SESTD1: variants seen among roughly 807,000 people sequenced by gnomAD.
The protein encoded by SESTD1 is SEC14 and spectrin domain containing 1.
SESTD1 carries 43 observed loss-of-function variants against 101.7 expected under a neutral mutation model. That is an observed-to-expected ratio of 0.42 (90% CI 0.33 to 0.55). SESTD1 has a LOEUF of 0.55. Among genes scored for constraint, SESTD1 ranks in the 20% least tolerant of loss-of-function variants. The probability of loss-of-function intolerance (pLI) is 0.07; values close to 1 mark genes in which losing one functional copy is unlikely to be tolerated. For synonymous variants in SESTD1, 283 were observed against 286.8 expected, an observed-to-expected ratio of 0.99 and a Z score of 0.13; for missense variants, 647 against 815.1, an observed-to-expected ratio of 0.79 and a Z score of 2.51.
At chr2:179,136,833 TTAAA>T (rs778698208) in intron 9 of SESTD1, among the ~76,000 whole-genome samples, 67 of 152,102 alleles carry the variant, frequency 4.4e-4, no homozygotes, top group Non-Finnish European at 6.3e-4. Context: ...AAAATAAATC[TTAAA>T]TAAAGCAAAG....
chr2:179,156,664 AT>A (rs1394762613), intron 5 of SESTD1, among the ~76,000 whole-genome samples: 1 of 151,782 alleles, frequency 6.6e-6, no homozygotes, highest in East Asian at 1.9e-4. Context: ...CTACTTTTTG[AT>A]GGGATTGTTT....
chr2:179,260,531 A>T (rs1386792138), intron 1 of SESTD1, among the ~76,000 whole-genome samples: 1 of 152,050 alleles, frequency 6.6e-6, no homozygotes, highest in African/African-American at 2.4e-5. Flanking sequence ...AAAAAAAAAA[A>T]TTAGAAAGGT....
chr2:179,225,808 C>G (rs1237501403), intron 1 of SESTD1, among the ~76,000 whole-genome samples: 1 of 152,182 alleles, frequency 6.6e-6, no homozygotes, highest in Non-Finnish European at 1.5e-5. Context: ...GTCCCATTCA[C>G]GAGAGCATAG....
chr2:179,145,693 A>G (rs1020524094), intron 8 of SESTD1, among the ~76,000 whole-genome samples: 3 of 152,242 alleles, frequency 2.0e-5, no homozygotes, highest in African/African-American at 7.2e-5. Context: ...CGATGATTAT[A>G]AAACAGTAGA....
intron 11 of SESTD1, 48 bp from the exon 12 acceptor site, chr2:179,123,877 T>G: frequency 7.3e-7 from 1 of 1,360,834 alleles, no homozygotes; most frequent in Non-Finnish European, 1.1e-6. Flanking sequence ...AATCAGCATC[T>G]AAAGTGTTTA....
intron 2 of SESTD1, 138 bp downstream of exon 2, chr2:179,191,649 T>C: frequency 1.4e-6 from 1 of 734,730 alleles, no homozygotes; most frequent in Non-Finnish European, 2.3e-6. Context: ...AGCTCTTCAT[T>C]CTGATTTAAA....
chr2:179,172,267 C>T, intron 4 of SESTD1, 34 bp from the exon 5 acceptor site: 1 of 1,362,578 alleles, frequency 7.3e-7, no homozygotes, highest in Non-Finnish European at 1.0e-6. Flanking sequence ...ACAAATTACA[C>T]ATGTAAAATG....
chr2:179,191,884 C>A lies in SESTD1; in HGVS notation c.-25-18G>T. The A allele has an allele frequency of 6.8e-7, 1 of 1,473,440 alleles. No individual in the cohort carries two copies. The highest frequency in any genetic ancestry group is 1.2e-5 in the South Asian group (1 of 86,140). 91.3% of individuals were successfully genotyped at this position (1,473,440 alleles called of 1,614,324 possible). A position where few individuals can be genotyped will look rare whatever the true frequency, so the allele number is the denominator to read the frequency against. On this transcript the variant is annotated intron_variant, in intron 1 of 17. Transcript: ENST00000428443. ...CCTTAATTCTGAAAACACAGAAAGT[C>A]AAATGTCAACTACAAGACAACAATT...
rs773933807 is a variant in SESTD1, at chr2:179,117,485, A to G, written c.1524+47T>C. On this transcript the variant is annotated intron_variant, in intron 14 of 17. Transcript: ENST00000428443. Reference sequence around the variant, plus strand: ...TTTTGTTTGTAGTTAGATAAAATCAATCTTCTAAGAAAAGTTAACTACATA... The same window carrying G: ...TTTTGTTTGTAGTTAGATAAAATCAGTCTTCTAAGAAAAGTTAACTACATA... 6.1e-6 allele frequency: 9 copies of G among 1,479,644 alleles called. No homozygotes were observed. The South Asian group carries it at 8.0e-5, about 13-fold the overall frequency. The allele number at this position is 1,479,644 out of a possible 1,614,324, so 91.7% of individuals were successfully genotyped here.
At chr2:179,229,012 A>C (rs1328971526) in intron 1 of SESTD1, among the ~76,000 whole-genome samples, 49 of 152,278 alleles carry the variant, frequency 3.2e-4, no homozygotes, top group Middle Eastern at 3.4e-3. Flanking sequence ...CCTCAAGAAG[A>C]CCACTCATAG....
chr2:179,242,842 G>C (rs111575116), intron 1 of SESTD1, among the ~76,000 whole-genome samples: 4,499 of 152,146 alleles, frequency 0.03, 92 homozygotes, highest in Admixed American at 0.036. Context: ...TAAAAGCATA[G>C]AAATCCTAAA....
intron 1 of SESTD1, among the ~76,000 whole-genome samples, chr2:179,240,529 A>G (rs561548022): frequency 6.6e-6 from 1 of 152,280 alleles, no homozygotes; most frequent in African/African-American, 2.4e-5. Context: ...TTGCAGCTGT[A>G]AAACCGGCAA....
At chr2:179,111,409 C>T (rs1004224133) in intron 17 of SESTD1, among the ~76,000 whole-genome samples, 2 of 152,104 alleles carry the variant, frequency 1.3e-5, no homozygotes, top group African/African-American at 4.8e-5. Context: ...TTATTTAGCT[C>T]AGGTAATTCC....
chr2:179,160,939 AT>A (rs2045724112), intron 5 of SESTD1, among the ~76,000 whole-genome samples: 5 of 150,572 alleles, frequency 3.3e-5, no homozygotes, highest in Non-Finnish European at 3.0e-5. Flanking sequence ...TTAAACAATT[AT>A]TTTTTTTTAG....
intron 5 of SESTD1, among the ~76,000 whole-genome samples, chr2:179,160,992 C>T (rs1001548291): frequency 1.8e-4 from 28 of 151,846 alleles, no homozygotes; most frequent in Admixed American, 6.6e-5. Context: ...AGGGCCACTG[C>T]ACCTTGACTC....
intron 5 of SESTD1, among the ~76,000 whole-genome samples, chr2:179,154,630 C>T (rs1347050408): frequency 6.6e-6 from 1 of 152,058 alleles, no homozygotes; most frequent in African/African-American, 2.4e-5. Context: ...CTGTCTAAAT[C>T]CAACTATCAA....
chr2:179,242,446 C>A (rs1284402292), intron 1 of SESTD1, among the ~76,000 whole-genome samples: 2 of 151,318 alleles, frequency 1.3e-5, no homozygotes, highest in Non-Finnish European at 2.9e-5. Context: ...TCATTTTTCA[C>A]AGAATTAGAA....
intron 1 of SESTD1, among the ~76,000 whole-genome samples, chr2:179,245,845 CA>C (rs1375131839): frequency 7.2e-5 from 11 of 152,030 alleles, no homozygotes; most frequent in African/African-American, 2.7e-4. Flanking sequence ...CATTAAAAAA[CA>C]TGTTAATAGA....
intron 1 of SESTD1, among the ~76,000 whole-genome samples, chr2:179,213,706 CA>C (rs1230074791): frequency 2.2e-5 from 3 of 134,960 alleles, no homozygotes; most frequent in African/African-American, 8.8e-5. Flanking sequence ...TCAGATTCAC[CA>C]AGGTTGAAAT....
Sources: allele counts gnomAD v4.1 joint callset (sites outside exome capture counted in the v4.1 genomes callset), GRCh38; gene constraint gnomAD v4.1.1; transcripts MANE v1.5; gene names NCBI Gene and HGNC (gene_info 2026-07-23, HGNC 2026-07-21).